TENM1: variants seen among roughly 807,000 people sequenced by gnomAD.
The protein encoded by TENM1 is teneurin-1.
A neutral mutation model predicts 174.8 loss-of-function variants in TENM1; 35 were observed. The ratio of observed to expected loss-of-function variants is 0.20; its 90% CI spans 0.15 to 0.27. TENM1 has a LOEUF of 0.27. Ranked by LOEUF, TENM1 falls within the 10% of genes least tolerant of loss-of-function variation. TENM1 has a pLI of 1.00. For synonymous variants in TENM1, 781 were observed against 798.7 expected, an observed-to-expected ratio of 0.98 and a Z score of 0.37; for missense variants, 1,633 against 2,130.1, an observed-to-expected ratio of 0.77 and a Z score of 4.59.
intron 22 of TENM1, among the ~76,000 whole-genome samples, chrX:124,469,183 A>C (rs979239854): frequency 2.7e-5 from 3 of 112,613 alleles, no homozygotes; most frequent in Non-Finnish European, 3.7e-5. Context: ...GTCTGAAAGA[A>C]GAAAATTTGA....
chrX:124,978,635 T>C, the TENM1 span, among the ~76,000 whole-genome samples: 3 of 111,851 alleles, frequency 2.7e-5, no homozygotes, highest in African/African-American at 9.8e-5. Context: ...TTAAGTCTGG[T>C]TTCCTACGGG....
intron 6 of TENM1, among the ~76,000 whole-genome samples, chrX:124,664,916 C>T (rs963667862): frequency 9.0e-6 from 1 of 110,819 alleles, no homozygotes; most frequent in African/African-American, 3.3e-5. Context: ...AAGAAAAAGC[C>T]CAAGGAAGGG....
chrX:124,566,170 C>G (rs2048937267), intron 11 of TENM1, among the ~76,000 whole-genome samples: 2 of 112,000 alleles, frequency 1.8e-5, no homozygotes, highest in South Asian at 7.4e-4. Flanking sequence ...AAGATAATAA[C>G]TTTCTAATAA....
At chrX:125,144,512 T>A in the TENM1 span, among the ~76,000 whole-genome samples, 5 of 111,332 alleles carry the variant, frequency 4.5e-5, no homozygotes, top group African/African-American at 1.6e-4. Flanking sequence ...CAGCTACAAC[T>A]CTCCTTCCCT....
At chrX:124,792,068 G>A (rs938688686) in intron 3 of TENM1, among the ~76,000 whole-genome samples, 1 of 111,206 alleles carries the variant, frequency 9.0e-6, no homozygotes, top group Non-Finnish European at 1.9e-5. Context: ...TTATCTCAGA[G>A]GGAAATTGGG....
chrX:124,835,789 C>T (rs917283590), intron 3 of TENM1, among the ~76,000 whole-genome samples: 1 of 111,930 alleles, frequency 8.9e-6, no homozygotes, highest in Non-Finnish European at 1.9e-5. Flanking sequence ...AAAAACAGGA[C>T]TCCATAAGTG....
At chrX:124,881,740 T>G (rs183570796) in intron 3 of TENM1, among the ~76,000 whole-genome samples, 10 of 109,882 alleles carry the variant, frequency 9.1e-5, no homozygotes, top group African/African-American at 9.9e-5. Flanking sequence ...GTTTTGTTTT[T>G]TTTTTTTAGA....
intron 11 of TENM1, among the ~76,000 whole-genome samples, chrX:124,579,559 A>G (rs2049251718): frequency 8.9e-6 from 1 of 111,780 alleles, no homozygotes; most frequent in Non-Finnish European, 1.9e-5. Flanking sequence ...CTTCTATACT[A>G]TTATAGAGTT....
intron 30 of TENM1, 113 bp downstream of exon 33, chrX:124,383,521 G>A (rs768235000): frequency 1.8e-4 from 128 of 693,298 alleles, no homozygotes; most frequent in Middle Eastern, 5.0e-4. Context: ...AATAACTTGC[G>A]GGCTAACTGT....
the TENM1 span, among the ~76,000 whole-genome samples, chrX:124,976,556 A>G: frequency 1.8e-5 from 2 of 112,065 alleles, no homozygotes; most frequent in African/African-American, 6.5e-5. Context: ...TGCTTATATA[A>G]CAAAGAAAAT....
the TENM1 span, among the ~76,000 whole-genome samples, chrX:125,107,551 A>G: frequency 9.0e-6 from 1 of 111,647 alleles, no homozygotes; most frequent in Non-Finnish European, 1.9e-5. Context: ...TATAGCTCTC[A>G]CCCCAGCTCC....
chrX:124,472,360 G>A (rs1451164974), intron 22 of TENM1, among the ~76,000 whole-genome samples: 2 of 93,099 alleles, frequency 2.1e-5, no homozygotes, highest in African/African-American at 8.2e-5. Context: ...AAAAAAAAGC[G>A]GCTGACTATG....
intron 1 of TENM1, among the ~76,000 whole-genome samples, chrX:124,956,725 T>C (rs1010153259): frequency 1.8e-5 from 2 of 112,378 alleles, no homozygotes; most frequent in South Asian, 3.7e-4. Context: ...TCTAGAAGCA[T>C]AGTATGCTCA....
chrX:124,892,222 T>A (rs898764723), intron 3 of TENM1, among the ~76,000 whole-genome samples: 3 of 111,637 alleles, frequency 2.7e-5, no homozygotes, highest in African/African-American at 9.8e-5. Context: ...AGGGTTTACT[T>A]AGGACAAATT....
At chrX:124,552,359 A>C in intron 14 of TENM1, among the ~76,000 whole-genome samples, 1 of 111,543 alleles carries the variant, frequency 9.0e-6, no homozygotes, top group Non-Finnish European at 1.9e-5. Context: ...CATGTATTGA[A>C]GGTAATAGGA....
At chrX:124,946,055 C>A (rs1420197224) in intron 1 of TENM1, among the ~76,000 whole-genome samples, 3 of 112,071 alleles carry the variant, frequency 2.7e-5, no homozygotes, top group Admixed American at 9.5e-5. Flanking sequence ...CCCTCTCACA[C>A]TTCCAGGCTT....
chrX:125,019,772 T>C, the TENM1 span, among the ~76,000 whole-genome samples: 12 of 111,033 alleles, frequency 1.1e-4, no homozygotes. Context: ...AGTAGGGATA[T>C]TAATATACCC....
chrX:125,160,449 G>A, the TENM1 span, among the ~76,000 whole-genome samples: 1 of 102,323 alleles, frequency 9.8e-6, no homozygotes, highest in Non-Finnish European at 2.0e-5. Flanking sequence ...AATTGTTGAG[G>A]TAGGAGAATT....
intron 3 of TENM1, among the ~76,000 whole-genome samples, chrX:124,845,896 T>C (rs189187121): frequency 3.2e-3 from 350 of 110,321 alleles, no homozygotes; most frequent in African/African-American, 0.011. Flanking sequence ...GAACAGGTTA[T>C]ACAAAGGCTT....
Sources: gnomAD v4.1 joint callset for allele counts (sites outside exome capture counted in the v4.1 genomes callset) on GRCh38, gnomAD v4.1.1 for gene constraint, MANE v1.5 for transcripts, NCBI Gene and HGNC (gene_info 2026-07-23, HGNC 2026-07-21) for gene names.